The following KCNMB2 variants were observed in gnomAD, a reference collection of about 807,000 sequenced individuals.
KCNMB2 encodes the protein potassium calcium-activated channel subfamily M regulatory beta subunit 2, also known as calcium-activated potassium channel subunit beta-2.
Under a neutral mutation model 24.5 loss-of-function variants are expected in KCNMB2, and 9 were observed. The observed-to-expected ratio is 0.37, with a 90% CI of 0.22 to 0.64. The LOEUF (loss-of-function observed/expected upper bound fraction) is 0.64, where lower values mean the gene tolerates loss of function less well. Ranked by LOEUF, KCNMB2 falls within the 30% of genes least tolerant of loss-of-function variation. The pLI is 0.63. For synonymous variants in KCNMB2, 109 were observed against 104.4 expected (o/e 1.04, Z -0.27); for missense variants, 226 against 284.3 (o/e 0.79, Z 1.47).
intron 1 of KCNMB2, among the ~76,000 whole-genome samples, chr3:178,670,061 G>A (rs952630145): frequency 1.3e-5 from 2 of 152,138 alleles, no homozygotes; most frequent in Admixed American, 1.3e-4. Flanking sequence ...AGCTTTCTCA[G>A]TGGAAAGTGA....
In KCNMB2 at chr3:178,663,459, G is replaced by A. The variant is rs145260995; in HGVS notation, c.-68+126748G>A. The stretch of plus-strand genomic sequence containing the variant: ...CCCATAATGTTTTCTACATGATGTC[G>A]GTTTCTCTTTTAACTCTTAAACTGC... On this transcript the variant is annotated intron_variant, in intron 1 of 4. Coordinates refer to ENST00000452583, the MANE Select transcript of KCNMB2 (RefSeq NM_181361.3). 2.6e-3 allele frequency among the ~76,000 whole-genome samples: 393 copies of A among 152,050 alleles called. 5 individuals carry two copies. Among genetic ancestry groups the A allele is most frequent in the African/African-American group, 8.8e-3 (365 of 41,476 alleles).
chr3:178,749,627 G>T (rs7640325), intron 1 of KCNMB2, among the ~76,000 whole-genome samples: 29 of 152,306 alleles, frequency 1.9e-4, no homozygotes, highest in African/African-American at 7.0e-4. Flanking sequence ...AGTCTTTGAA[G>T]ATATGATGCT....
chr3:178,542,184 T>C (rs934923720), intron 1 of KCNMB2, among the ~76,000 whole-genome samples: 6 of 152,196 alleles, frequency 3.9e-5, no homozygotes, highest in Non-Finnish European at 8.8e-5. Flanking sequence ...AAGAAAATTT[T>C]ACATTCTAGT....
intron 1 of KCNMB2, among the ~76,000 whole-genome samples, chr3:178,593,483 G>A (rs1560122658): frequency 6.6e-6 from 1 of 151,972 alleles, no homozygotes; most frequent in Non-Finnish European, 1.5e-5. Flanking sequence ...CATTGGATAA[G>A]TTAAATTTTG....
At position 178,740,078 on chromosome 3, in the gene KCNMB2, A is replaced by AT. The variant is rs999389814; in HGVS notation, c.-67-67255dup. Among the ~76,000 whole-genome samples, 1,191 of 149,006 alleles carry AT rather than the reference A, an allele frequency of 8.0e-3. 15 individuals carry two copies. Among genetic ancestry groups the AT allele is most frequent in the African/African-American group, 0.028 (1,149 of 40,626 alleles). On this transcript the variant is annotated intron_variant, in intron 1 of 4. Transcript: ENST00000452583. Reference sequence around the variant, plus strand: ...TTTTGATTTGAAATGTCAGCAAGTGATTTTTTTTTTCCTTCTGCTGCTGCT... The same window carrying AT: ...TTTTGATTTGAAATGTCAGCAAGTGATTTTTTTTTTTCCTTCTGCTGCTGCT...
At position 178,758,372 on chromosome 3, in the gene KCNMB2, C is replaced by A. The variant is rs963348888; in HGVS notation, c.-67-48971C>A. 6.8e-3 allele frequency among the ~76,000 whole-genome samples: 56 copies of A among 8,268 alleles called. 2 individuals are homozygous for A. The highest frequency in any genetic ancestry group is 0.014 in the African/African-American group (10 of 714). 5.4% of individuals were successfully genotyped at this position (8,268 alleles called of 152,430 possible). A position where few individuals can be genotyped will look rare whatever the true frequency, so the allele number is the denominator to read the frequency against. On this transcript the variant is annotated intron_variant, in intron 1 of 4. Transcript: ENST00000452583. ...TATATATATATATATATATATATAT[C>A]TCCAAGAGGGGATACATATATATAT...
At chr3:178,577,727 G>A (rs1366863499) in intron 1 of KCNMB2, among the ~76,000 whole-genome samples, 3 of 152,148 alleles carry the variant, frequency 2.0e-5, no homozygotes, top group Non-Finnish European at 1.5e-5. Flanking sequence ...ACTTCATGAA[G>A]CATACACAAA....
intron 1 of KCNMB2, among the ~76,000 whole-genome samples, chr3:178,741,238 C>T (rs897407443): frequency 1.3e-5 from 2 of 152,250 alleles, no homozygotes; most frequent in Admixed American, 6.5e-5. Flanking sequence ...GATATTTAAC[C>T]TTGCTCACTT....
At chr3:178,588,218 T>C (rs1717529509) in intron 1 of KCNMB2, among the ~76,000 whole-genome samples, 2 of 151,968 alleles carry the variant, frequency 1.3e-5, no homozygotes, top group South Asian at 2.1e-4. Flanking sequence ...AAGAAGCTCA[T>C]AGTCTATCAG....
intron 1 of KCNMB2, among the ~76,000 whole-genome samples, chr3:178,657,867 T>C (rs1720398569): frequency 1.3e-5 from 2 of 152,164 alleles, no homozygotes; most frequent in African/African-American, 4.8e-5. Flanking sequence ...CCCACTTTCA[T>C]GGTAACTAAT....
At chr3:178,563,166 T>G (rs1716385044) in intron 1 of KCNMB2, among the ~76,000 whole-genome samples, 2 of 152,322 alleles carry the variant, frequency 1.3e-5, no homozygotes, top group Admixed American at 1.3e-4. Context: ...TCCAAGTATT[T>G]GAAGGTTGCT....
intron 1 of KCNMB2, chr3:178,537,304 G>C (rs1715443498): frequency 6.6e-6 from 1 of 152,132 alleles, no homozygotes; most frequent in African/African-American, 2.4e-5. Context: ...ACACTGTTTG[G>C]GTTCATGGTT....
At chr3:178,721,439 T>C (rs1722802395) in intron 1 of KCNMB2, among the ~76,000 whole-genome samples, 1 of 152,220 alleles carries the variant, frequency 6.6e-6, no homozygotes, top group Admixed American at 6.5e-5. Flanking sequence ...AGTATCCCAT[T>C]GTAGAGCTAT....
intron 1 of KCNMB2, among the ~76,000 whole-genome samples, chr3:178,660,387 A>G (rs753769381): frequency 2.2e-4 from 33 of 152,120 alleles, no homozygotes; most frequent in Admixed American, 2.0e-4. Flanking sequence ...TACCATCAGG[A>G]CTAGAACTCT....
At chr3:178,564,274 T>C (rs1383371408) in intron 1 of KCNMB2, among the ~76,000 whole-genome samples, 1 of 92,860 alleles carries the variant, frequency 1.1e-5, no homozygotes, top group African/African-American at 6.0e-5. Context: ...CGAGACTCCA[T>C]CTCAAAAAAA....
At chr3:178,630,750 T>C (rs981186059) in intron 1 of KCNMB2, among the ~76,000 whole-genome samples, 2 of 152,248 alleles carry the variant, frequency 1.3e-5, no homozygotes, top group Non-Finnish European at 2.9e-5. Context: ...TGCTATTATA[T>C]GCAATAGTAT....
intron 1 of KCNMB2, among the ~76,000 whole-genome samples, chr3:178,639,000 A>T (rs1406316881): frequency 6.6e-6 from 1 of 152,152 alleles, no homozygotes; most frequent in Non-Finnish European, 1.5e-5. Context: ...GTAGCTACAG[A>T]TTTCATGTGT....
intron 2 of KCNMB2, among the ~76,000 whole-genome samples, chr3:178,814,122 A>G (rs977212510): frequency 5.9e-5 from 9 of 152,138 alleles, no homozygotes; most frequent in African/African-American, 1.2e-4. Flanking sequence ...AGTACCCAAT[A>G]GGTAGTTTTT....
At chr3:178,798,786 A>ACAAC (rs1713656160) in intron 1 of KCNMB2, among the ~76,000 whole-genome samples, 1 of 152,024 alleles carries the variant, frequency 6.6e-6, no homozygotes, top group Admixed American at 6.6e-5. Flanking sequence ...GGGCTTAATT[A>ACAAC]CTAGGTGATG....
Sources: allele counts gnomAD v4.1 joint callset (sites outside exome capture counted in the v4.1 genomes callset), GRCh38; gene constraint gnomAD v4.1.1; transcripts MANE v1.5; gene names NCBI Gene and HGNC (gene_info 2026-07-23, HGNC 2026-07-21).